PDZRN4: variants seen among roughly 807,000 people sequenced by gnomAD.
PDZRN4 encodes PDZ domain containing ring finger 4.
PDZRN4 carries 70 observed loss-of-function variants against 99.0 expected under a neutral mutation model. That is an observed-to-expected ratio of 0.71 (90% CI 0.58 to 0.86). The LOEUF is 0.86. Among genes scored for constraint, PDZRN4 ranks in the 40% least tolerant of loss-of-function variants. The pLI is 0.00. For synonymous variants in PDZRN4, 551 were observed against 501.6 expected, an observed-to-expected ratio of 1.10 and a Z score of -1.32; for missense variants, 1,474 against 1,331.2, an observed-to-expected ratio of 1.11 and a Z score of -1.67.
At chr12:41,501,227 A>G (rs1487083023) in intron 3 of PDZRN4, among the ~76,000 whole-genome samples, 1 of 152,102 alleles carries the variant, frequency 6.6e-6, no homozygotes, top group Non-Finnish European at 1.5e-5. Flanking sequence ...AGATTTGGAA[A>G]CCCTCATCAT....
chr12:41,456,640 A>C lies in PDZRN4; in HGVS notation c.844-49816A>C, dbSNP rs146079299. On this transcript the variant is annotated intron_variant, in intron 3 of 9. Transcript: ENST00000402685. ...TAATGAATGAGTAAATGAATGAATG[A>C]AGACATACTGCAGAGGGCCTTATAA... Among the ~76,000 whole-genome samples, 152 of 152,356 alleles carry C rather than the reference A, an allele frequency of 1.0e-3. 1 individual carries two copies. The East Asian group carries it at 0.017, about 17-fold the overall frequency.
intron 3 of PDZRN4, chr12:41,459,871 G>A (rs961934904): frequency 1.8e-5 from 20 of 1,117,880 alleles, no homozygotes; most frequent in Non-Finnish European, 2.3e-5. Flanking sequence ...ATTAACATTA[G>A]TTTAAAAAAA....
Position 41,254,701 on chromosome 12 carries a change from T to C in PDZRN4, c.843+60513T>C, listed in dbSNP as rs562994916. On this transcript the variant is annotated intron_variant, in intron 3 of 9. Transcript: ENST00000402685. ...CAGTAAAACAAAGAAATTAAAATGCTGTGCAATGAGTGAGTCACAGTGCTG... is the reference window on the plus strand; with the variant it reads ...CAGTAAAACAAAGAAATTAAAATGCCGTGCAATGAGTGAGTCACAGTGCTG... Among the ~76,000 whole-genome samples the C allele has an allele frequency of 8.5e-5, 13 of 152,368 alleles. No homozygotes were observed. In the East Asian group the frequency reaches 1.9e-3, roughly 23 times the overall value.
intron 5 of PDZRN4, among the ~76,000 whole-genome samples, chr12:41,529,143 G>A (rs1196214663): frequency 6.6e-6 from 1 of 152,100 alleles, no homozygotes; most frequent in African/African-American, 2.4e-5. Flanking sequence ...GATACCAGTG[G>A]CATCGCCAAG....
intron 3 of PDZRN4, among the ~76,000 whole-genome samples, chr12:41,235,453 A>T (rs1250081049): frequency 2.0e-5 from 3 of 152,164 alleles, no homozygotes; most frequent in Non-Finnish European, 4.4e-5. Flanking sequence ...AACCAGGGCC[A>T]CACATTCGAA....
chr12:41,270,358 A>T (rs1312953483), intron 3 of PDZRN4, among the ~76,000 whole-genome samples: 1 of 149,036 alleles, frequency 6.7e-6, no homozygotes, highest in African/African-American at 2.5e-5. Flanking sequence ...ATTTAGAATT[A>T]GATTGTTAAT....
intron 8 of PDZRN4, 141 bp from the exon 9 acceptor site, chr12:41,567,642 A>G (rs12310013): frequency 0.13 from 42,991 of 339,668 alleles, 2,930 homozygotes; most frequent in East Asian, 0.21. Flanking sequence ...TCTTTCTGAG[A>G]GGTGAACTGT....
At chr12:41,374,636 T>C (rs2121087629) in intron 3 of PDZRN4, among the ~76,000 whole-genome samples, 1 of 152,196 alleles carries the variant, frequency 6.6e-6, no homozygotes, top group Middle Eastern at 3.4e-3. Flanking sequence ...TGAAGATTGG[T>C]TGAAATTAAG....
intron 3 of PDZRN4, among the ~76,000 whole-genome samples, chr12:41,203,480 C>T (rs1183128466): frequency 6.6e-6 from 1 of 151,994 alleles, no homozygotes; most frequent in African/African-American, 2.4e-5. Context: ...TCTTGCTTGG[C>T]AGCCATTTGG....
At chr12:41,415,802 G>A (rs1474335357) in intron 3 of PDZRN4, among the ~76,000 whole-genome samples, 2 of 152,118 alleles carry the variant, frequency 1.3e-5, no homozygotes, top group East Asian at 1.9e-4. Context: ...TGGGAGGAAT[G>A]TGCTGAATAT....
chr12:41,360,769 C>T lies in PDZRN4; in HGVS notation c.844-145687C>T, dbSNP rs527514716. 1.7e-3 allele frequency among the ~76,000 whole-genome samples: 256 copies of T among 152,016 alleles called. 1 individual carries two copies. Among genetic ancestry groups the T allele is most frequent in the Admixed American group, 2.8e-3 (42 of 15,246 alleles). On this transcript the variant is annotated intron_variant, in intron 3 of 9. Coordinates refer to ENST00000402685, the MANE Select transcript of PDZRN4 (RefSeq NM_001164595.2). ...CCTTTTATATATTATAGACCATAACCGACACAGGAAGAGAATGGAAAAGTT... is the reference window on the plus strand; with the variant it reads ...CCTTTTATATATTATAGACCATAACTGACACAGGAAGAGAATGGAAAAGTT...
intron 3 of PDZRN4, among the ~76,000 whole-genome samples, chr12:41,391,533 C>T (rs1352982477): frequency 6.6e-6 from 1 of 152,152 alleles, no homozygotes; most frequent in Non-Finnish European, 1.5e-5. Context: ...AGAGCTTGAG[C>T]CACCTTACTT....
chr12:41,262,013 C>G (rs1951243871), intron 3 of PDZRN4, among the ~76,000 whole-genome samples: 1 of 152,092 alleles, frequency 6.6e-6, no homozygotes, highest in Admixed American at 6.6e-5. Flanking sequence ...TCACTGGCTC[C>G]CCATTAAACT....
intron 5 of PDZRN4, among the ~76,000 whole-genome samples, chr12:41,544,700 C>T (rs995213973): frequency 1.3e-5 from 2 of 152,086 alleles, no homozygotes; most frequent in South Asian, 2.1e-4. Context: ...TGCCAAGAAG[C>T]TACTAAGCAT....
intron 7 of PDZRN4, among the ~76,000 whole-genome samples, chr12:41,558,099 T>C (rs1592111833): frequency 1.3e-5 from 2 of 152,326 alleles, no homozygotes; most frequent in South Asian, 4.1e-4. Context: ...GCTTCAAAAG[T>C]GTTTTACTAT....
In PDZRN4 at chr12:41,202,821, G is replaced by T. The variant is rs539083786; in HGVS notation, c.843+8633G>T. On this transcript the variant is annotated intron_variant, in intron 3 of 9. Transcript: ENST00000402685. ...CAATTGACTATGCTGCTTAGATAAG[G>T]AAATAAATATTTTTCATAATTTAGA... Among the ~76,000 whole-genome samples, 5 of 152,054 alleles carry T rather than the reference G, an allele frequency of 3.3e-5. No homozygotes were observed. In the East Asian group the frequency reaches 9.7e-4, roughly 30 times the overall value.
intron 3 of PDZRN4, among the ~76,000 whole-genome samples, chr12:41,468,909 T>C (rs1952957641): frequency 6.6e-6 from 1 of 152,020 alleles, no homozygotes; most frequent in African/African-American, 2.4e-5. Context: ...CTCAGGAGGC[T>C]GAGGCACAAG....
chr12:41,238,936 A>G (rs966649334), intron 3 of PDZRN4, among the ~76,000 whole-genome samples: 3 of 152,194 alleles, frequency 2.0e-5, no homozygotes, highest in African/African-American at 7.2e-5. Context: ...CAGAAATACC[A>G]TTTGACCCAG....
chr12:41,547,185 G>A (rs1274459086), intron 5 of PDZRN4, among the ~76,000 whole-genome samples: 1 of 152,172 alleles, frequency 6.6e-6, no homozygotes, highest in African/African-American at 2.4e-5. Context: ...CCTTCCTGAT[G>A]TAAACAGAAG....
Sources: gnomAD v4.1 joint callset for allele counts (sites outside exome capture counted in the v4.1 genomes callset) on GRCh38, gnomAD v4.1.1 for gene constraint, MANE v1.5 for transcripts, NCBI Gene and HGNC (gene_info 2026-07-23, HGNC 2026-07-21) for gene names.